The following PCDH19 variants were observed in gnomAD, a reference collection of about 807,000 sequenced individuals.
PCDH19 encodes protocadherin 19.
Under a neutral mutation model 46.2 loss-of-function variants are expected in PCDH19, and 6 were observed. The ratio of observed to expected loss-of-function variants is 0.13; its 90% CI spans 0.07 to 0.26. The LOEUF (loss-of-function observed/expected upper bound fraction) is 0.26, where lower values mean the gene tolerates loss of function less well. Among genes scored for constraint, PCDH19 ranks in the 10% least tolerant of loss-of-function variants. The probability of loss-of-function intolerance (pLI) is 1.00; values close to 1 mark genes in which losing one functional copy is unlikely to be tolerated. For synonymous variants in PCDH19, 481 were observed against 415.7 expected (o/e 1.16, Z -1.91); for missense variants, 740 against 972.3 (o/e 0.76, Z 3.18).
intron 5 of PCDH19, among the ~76,000 whole-genome samples, chrX:100,318,538 C>T (rs1321163193): frequency 8.9e-6 from 1 of 112,063 alleles, no homozygotes; most frequent in Non-Finnish European, 1.9e-5. Flanking sequence ...CATCAGGCTG[C>T]ATTGGTGACC....
intron 5 of PCDH19, among the ~76,000 whole-genome samples, chrX:100,329,268 CACAA>C (rs985632549): frequency 3.6e-5 from 4 of 112,453 alleles, no homozygotes; most frequent in East Asian, 2.8e-4. Context: ...TGACAGTTGG[CACAA>C]ACAAAGGTCT....
At chrX:100,341,466 T>A (rs1404028803) in intron 5 of PCDH19, among the ~76,000 whole-genome samples, 4 of 111,840 alleles carry the variant, frequency 3.6e-5, no homozygotes, top group Admixed American at 9.5e-5. Context: ...AGTCTCACTC[T>A]GGGTAAAGCT....
intron 5 of PCDH19, among the ~76,000 whole-genome samples, chrX:100,320,991 C>T (rs1023027004): frequency 1.8e-5 from 2 of 108,486 alleles, no homozygotes; most frequent in Non-Finnish European, 3.8e-5. Context: ...TACACCTTTG[C>T]GTCCTCATAG....
At chrX:100,379,486 G>A (rs779371948) in intron 3 of PCDH19, among the ~76,000 whole-genome samples, 1 of 112,221 alleles carries the variant, frequency 8.9e-6, no homozygotes, top group East Asian at 2.8e-4. Flanking sequence ...ATGTATCCCT[G>A]CCTTTGAGGA....
At chrX:100,333,004 AAAAGAAAAGAAAG>A (rs1396197022) in intron 5 of PCDH19, among the ~76,000 whole-genome samples, 1 of 106,395 alleles carries the variant, frequency 9.4e-6, no homozygotes. Flanking sequence ...CCATCTCAAA[AAAAGAAAAGAAAG>A]AAAGAAAAAA....
intron 5 of PCDH19, among the ~76,000 whole-genome samples, chrX:100,320,241 T>A (rs1357622929): frequency 9.0e-6 from 1 of 111,248 alleles, no homozygotes; most frequent in Non-Finnish European, 1.9e-5. Flanking sequence ...AAATATACAA[T>A]AAACAGTAAT....
In PCDH19 at chrX:100,408,725, G is replaced by C. The variant is rs1374844393; in HGVS notation, c.-128C>G. ...CCCCGTGGCCCCGGAGGCCGCGGGA[G>C]AAGTCCCGCCCAGGGCGGCCCGGCG... On this transcript the variant is annotated 5_prime_UTR_variant, in exon 1 of 6. Transcript: ENST00000373034. 1 of 544,429 alleles carries C rather than the reference G, an allele frequency of 1.8e-6. No homozygotes were observed. Among genetic ancestry groups the C allele is most frequent in the Non-Finnish European group, 2.8e-6 (1 of 357,721 alleles). The allele number at this position is 544,429 out of a possible 1,213,427, so 44.9% of individuals were successfully genotyped here.
chrX:100,385,031 C>T (rs906464562), intron 3 of PCDH19, among the ~76,000 whole-genome samples: 3 of 109,376 alleles, frequency 2.7e-5, no homozygotes, highest in Middle Eastern at 4.3e-3. Flanking sequence ...TTGTGGTGAG[C>T]ACCTGTAATC....
chrX:100,392,490 A>C (rs183075918), intron 3 of PCDH19, among the ~76,000 whole-genome samples: 1 of 112,504 alleles, frequency 8.9e-6, no homozygotes, highest in African/African-American at 3.2e-5. Context: ...AAAAACCATT[A>C]TTTAGTACGA....
intron 5 of PCDH19, among the ~76,000 whole-genome samples, chrX:100,305,762 G>A: frequency 9.0e-6 from 1 of 111,731 alleles, no homozygotes; most frequent in Non-Finnish European, 1.9e-5. Flanking sequence ...AAGCGAGCAG[G>A]AATAGCTATT....
At chrX:100,392,122 T>C (rs1342864920) in intron 3 of PCDH19, among the ~76,000 whole-genome samples, 1 of 112,228 alleles carries the variant, frequency 8.9e-6, no homozygotes, top group Non-Finnish European at 1.9e-5. Context: ...CGGATGTCAT[T>C]CCAACAACGC....
chrX:100,368,105 T>C (rs1355736076), intron 3 of PCDH19, among the ~76,000 whole-genome samples: 1 of 111,945 alleles, frequency 8.9e-6, no homozygotes, highest in Non-Finnish European at 1.9e-5. Flanking sequence ...TTACATTCTG[T>C]ACAAGTGCTA....
chrX:100,323,760 C>CA (rs1193762708), intron 5 of PCDH19, among the ~76,000 whole-genome samples: 56 of 106,800 alleles, frequency 5.2e-4, no homozygotes, highest in Admixed American at 9.0e-4. Context: ...CACTAAAACC[C>CA]AAAAAAAAAA....
intron 3 of PCDH19, among the ~76,000 whole-genome samples, chrX:100,388,965 T>A (rs776582294): frequency 2.3e-4 from 26 of 111,666 alleles, no homozygotes; most frequent in African/African-American, 8.1e-4. Context: ...ATGGTTGAAA[T>A]ATTTTTATAT....
At chrX:100,389,457 G>T (rs1020037632) in intron 3 of PCDH19, among the ~76,000 whole-genome samples, 1 of 110,921 alleles carries the variant, frequency 9.0e-6, no homozygotes, top group Admixed American at 9.7e-5. Flanking sequence ...AAGTTCTGGA[G>T]ATTTAATGTC....
intron 5 of PCDH19, among the ~76,000 whole-genome samples, chrX:100,305,012 C>T (rs904003612): frequency 8.9e-6 from 1 of 112,109 alleles, no homozygotes; most frequent in Non-Finnish European, 1.9e-5. Context: ...AGGGAATAAT[C>T]GAGGAAAACT....
intron 5 of PCDH19, 144 bp from the exon 6 acceptor site, chrX:100,297,019 G>A: frequency 3.7e-6 from 2 of 533,476 alleles, no homozygotes; most frequent in South Asian, 3.0e-5. Flanking sequence ...TTTGGGACAA[G>A]TGTGAAGAAC....
At chrX:100,369,692 A>G (rs1214448040) in intron 3 of PCDH19, among the ~76,000 whole-genome samples, 1 of 111,948 alleles carries the variant, frequency 8.9e-6, no homozygotes, top group Non-Finnish European at 1.9e-5. Flanking sequence ...CTCATAATTA[A>G]GCAGTATGAA....
chrX:100,402,350 C>A (rs1480224784), intron 3 of PCDH19, among the ~76,000 whole-genome samples, 174 bp downstream of exon 3: 1 of 112,525 alleles, frequency 8.9e-6, no homozygotes, highest in Non-Finnish European at 1.9e-5. Context: ...TGTTGGGTTA[C>A]CTTTTGCTCC....
Sources: gnomAD v4.1 joint callset for allele counts (sites outside exome capture counted in the v4.1 genomes callset) on GRCh38, gnomAD v4.1.1 for gene constraint, MANE v1.5 for transcripts, NCBI Gene and HGNC (gene_info 2026-07-23, HGNC 2026-07-21) for gene names.